MAGI2: variants seen among roughly 807,000 people sequenced by gnomAD.
MAGI2 encodes the protein membrane associated guanylate kinase, WW and PDZ domain containing 2.
A neutral mutation model predicts 133.3 loss-of-function variants in MAGI2; 35 were observed. The observed-to-expected ratio is 0.26, with a 90% CI of 0.20 to 0.35. The LOEUF is 0.35. Ranked by LOEUF, MAGI2 falls within the 10% of genes least tolerant of loss-of-function variation. MAGI2 has a pLI of 1.00. For missense variants in MAGI2, 1,636 were observed against 1,863.4 expected, an observed-to-expected ratio of 0.88 and a Z score of 2.25; for synonymous variants, 729 against 710.6, an observed-to-expected ratio of 1.03 and a Z score of -0.41.
At chr7:78,908,672 G>A (rs555280341) in intron 2 of MAGI2, among the ~76,000 whole-genome samples, 1 of 152,266 alleles carries the variant, frequency 6.6e-6, no homozygotes, top group South Asian at 2.1e-4. Flanking sequence ...ACTAAGAACA[G>A]CCTTTAGATT....
At chr7:78,233,480 A>T (rs1790192125) in intron 10 of MAGI2, among the ~76,000 whole-genome samples, 1 of 152,184 alleles carries the variant, frequency 6.6e-6, no homozygotes, top group Non-Finnish European at 1.5e-5. Context: ...TGCAAGGCAG[A>T]AAAGGAAGTC....
At chr7:78,265,207 A>G (rs369107592) in intron 9 of MAGI2, among the ~76,000 whole-genome samples, 1 of 152,318 alleles carries the variant, frequency 6.6e-6, no homozygotes, top group South Asian at 2.1e-4. Flanking sequence ...ATATATTTAA[A>G]TACTTGCATT....
At chr7:78,059,699 T>A (rs1813012214) in intron 21 of MAGI2, among the ~76,000 whole-genome samples, 1 of 152,038 alleles carries the variant, frequency 6.6e-6, no homozygotes, top group African/African-American at 2.4e-5. Context: ...ACTCTCTTAT[T>A]CTAAGTAAGA....
intron 3 of MAGI2, among the ~76,000 whole-genome samples, chr7:78,573,514 T>C (rs1801950572): frequency 7.0e-6 from 1 of 141,956 alleles, no homozygotes; most frequent in East Asian, 2.1e-4. Flanking sequence ...TGGGCCCCAT[T>C]CAAAAATAGC....
At chr7:78,047,530 A>AG (rs1445589740) in intron 21 of MAGI2, among the ~76,000 whole-genome samples, 2 of 152,192 alleles carry the variant, frequency 1.3e-5, no homozygotes, top group Non-Finnish European at 2.9e-5. Flanking sequence ...GCCAAGCCTC[A>AG]GGGTTTGTCC....
intron 1 of MAGI2, among the ~76,000 whole-genome samples, chr7:79,123,014 G>C (rs1279878143): frequency 6.6e-6 from 1 of 152,142 alleles, no homozygotes; most frequent in South Asian, 2.1e-4. Context: ...TTCTTCCTGA[G>C]CTGAAATGTT....
Position 78,583,205 on chromosome 7 carries a change from C to T in MAGI2, c.538+43915G>A, listed in dbSNP as rs529644462. On this transcript the variant is annotated intron_variant, in intron 3 of 21. Transcript: ENST00000354212. ...CTTGACAGAGTAAACATAAGCCTCT[C>T]TCACCCCTTAAAAATTATGAAAATA... 2.6e-5 allele frequency among the ~76,000 whole-genome samples: 4 copies of T among 152,224 alleles called. No homozygotes were observed. The South Asian group carries it at 8.3e-4, about 32-fold the overall frequency.
intron 6 of MAGI2, among the ~76,000 whole-genome samples, chr7:78,474,350 T>A (rs2150434830): frequency 6.6e-6 from 1 of 152,120 alleles, no homozygotes. Flanking sequence ...GGAGATGGGA[T>A]TTTCATTCGG....
chr7:79,179,723 T>C (rs549319896), intron 1 of MAGI2, among the ~76,000 whole-genome samples: 1 of 152,008 alleles, frequency 6.6e-6, no homozygotes, highest in Non-Finnish European at 1.5e-5. Flanking sequence ...GACAGTTATA[T>C]GCAGAAGAAT....
intron 3 of MAGI2, among the ~76,000 whole-genome samples, chr7:78,531,374 G>A (rs4730360): frequency 0.27 from 41,518 of 151,606 alleles, 6,134 homozygotes; most frequent in African/African-American, 0.4. Flanking sequence ...CCTCCACGTC[G>A]AATTAATTTT....
At chr7:79,422,105 G>T (rs1847003178) in intron 1 of MAGI2, among the ~76,000 whole-genome samples, 2 of 152,010 alleles carry the variant, frequency 1.3e-5, no homozygotes, top group African/African-American at 2.4e-5. Flanking sequence ...TAAAGAAAAT[G>T]ACTTTGGTCA....
At chr7:79,428,718 G>A (rs566846092) in intron 1 of MAGI2, among the ~76,000 whole-genome samples, 1 of 152,174 alleles carries the variant, frequency 6.6e-6, no homozygotes, top group East Asian at 1.9e-4. Context: ...AAAAATGATA[G>A]CAGGCAACTA....
intron 2 of MAGI2, among the ~76,000 whole-genome samples, chr7:78,911,863 T>G (rs1798425764): frequency 6.6e-6 from 1 of 151,674 alleles, no homozygotes; most frequent in South Asian, 2.1e-4. Flanking sequence ...AACCCTCCAC[T>G]CCTAAATGCT....
intron 1 of MAGI2, among the ~76,000 whole-genome samples, chr7:79,012,983 A>C (rs1808324711): frequency 6.6e-6 from 1 of 152,110 alleles, no homozygotes; most frequent in African/African-American, 2.4e-5. Context: ...CTCATAATTT[A>C]ATTACCTGTC....
intron 1 of MAGI2, among the ~76,000 whole-genome samples, chr7:79,428,550 A>T (rs1400165258): frequency 1.3e-5 from 2 of 152,162 alleles, no homozygotes; most frequent in African/African-American, 4.8e-5. Flanking sequence ...CTGTCTTTAT[A>T]GTTGGAAAGG....
chr7:78,302,391 G>C (rs1311809786), intron 9 of MAGI2, among the ~76,000 whole-genome samples: 1 of 152,176 alleles, frequency 6.6e-6, no homozygotes, highest in Non-Finnish European at 1.5e-5. Flanking sequence ...GGGTCTGTCA[G>C]TGTGGTGAAT....
intron 2 of MAGI2, among the ~76,000 whole-genome samples, chr7:78,915,700 C>G (rs1798741340): frequency 6.6e-6 from 1 of 150,598 alleles, no homozygotes; most frequent in East Asian, 2.0e-4. Context: ...TGTTTTATCT[C>G]TTCATGGTTT....
intron 10 of MAGI2, among the ~76,000 whole-genome samples, chr7:78,218,652 G>C (rs1053760479): frequency 6.6e-6 from 1 of 152,156 alleles, no homozygotes; most frequent in African/African-American, 2.4e-5. Context: ...AGAGAAACAG[G>C]GTTTGAAAAA....
chr7:79,377,588 G>T (rs1314840635), intron 1 of MAGI2, among the ~76,000 whole-genome samples: 1 of 151,826 alleles, frequency 6.6e-6, no homozygotes, highest in Non-Finnish European at 1.5e-5. Context: ...GCAGTTACAT[G>T]ATGAAGTGAG....
Sources: gnomAD v4.1 joint callset for allele counts (sites outside exome capture counted in the v4.1 genomes callset) on GRCh38, gnomAD v4.1.1 for gene constraint, MANE v1.5 for transcripts, NCBI Gene and HGNC (gene_info 2026-07-23, HGNC 2026-07-21) for gene names.